The following PPARGC1B variants were observed in gnomAD, a reference collection of about 807,000 sequenced individuals.
PPARGC1B encodes the protein peroxisome proliferator-activated receptor gamma coactivator 1-beta.
PPARGC1B carries 34 observed loss-of-function variants against 101.6 expected under a neutral mutation model. That is an observed-to-expected ratio of 0.33 (90% CI 0.25 to 0.45). PPARGC1B has a LOEUF of 0.45. Ranked by LOEUF, PPARGC1B falls within the 20% of genes least tolerant of loss-of-function variation. The pLI, the probability that PPARGC1B is intolerant of heterozygous loss-of-function variation, is 1.00. For synonymous variants in PPARGC1B, 548 were observed against 539.3 expected, an observed-to-expected ratio of 1.02 and a Z score of -0.22; for missense variants, 1,234 against 1,317.6, an observed-to-expected ratio of 0.94 and a Z score of 0.98.
intron 2 of PPARGC1B, among the ~76,000 whole-genome samples, chr5:149,822,457 C>T (rs541221066): frequency 6.6e-5 from 10 of 152,300 alleles, no homozygotes; most frequent in Non-Finnish European, 1.3e-4. Context: ...CATTGCTCAC[C>T]GATGCACCCT....
intron 2 of PPARGC1B, among the ~76,000 whole-genome samples, chr5:149,825,561 C>G (rs889539697): frequency 6.6e-6 from 1 of 152,240 alleles, no homozygotes; most frequent in Non-Finnish European, 1.5e-5. Context: ...CCCTCAAGAG[C>G]CTGTAAGTCC....
At chr5:149,838,691 C>G (rs1239150307) in intron 8 of PPARGC1B, among the ~76,000 whole-genome samples, 2 of 152,202 alleles carry the variant, frequency 1.3e-5, no homozygotes, top group Non-Finnish European at 2.9e-5. Flanking sequence ...TAGAAACCCC[C>G]ATGGATTTTC....
intron 1 of PPARGC1B, among the ~76,000 whole-genome samples, chr5:149,814,576 A>G (rs1279527912): frequency 6.6e-6 from 1 of 151,680 alleles, no homozygotes; most frequent in Non-Finnish European, 1.5e-5. Flanking sequence ...CCTCCGCCCC[A>G]CCTCCTCCAG....
intron 1 of PPARGC1B, among the ~76,000 whole-genome samples, chr5:149,736,994 A>T (rs987195897): frequency 2.0e-5 from 3 of 152,174 alleles, no homozygotes; most frequent in Admixed American, 6.5e-5. Context: ...CAAATCTGTA[A>T]TGACAGGTAT....
chr5:149,836,166 G>A (rs1759063760), intron 7 of PPARGC1B, 97 bp from the exon 8 acceptor site: 3 of 1,044,810 alleles, frequency 2.9e-6, no homozygotes, highest in South Asian at 3.3e-5. Context: ...TGGGATTATA[G>A]GTGTGAGCTA....
At chr5:149,806,063 G>A (rs1286193751) in intron 1 of PPARGC1B, among the ~76,000 whole-genome samples, 1 of 152,190 alleles carries the variant, frequency 6.6e-6, no homozygotes, top group Non-Finnish European at 1.5e-5. Flanking sequence ...GGCTGGTGTG[G>A]AGTCCTGGCC....
intron 1 of PPARGC1B, among the ~76,000 whole-genome samples, chr5:149,742,103 CAT>C (rs1754931177): frequency 6.6e-6 from 1 of 152,210 alleles, no homozygotes; most frequent in African/African-American, 2.4e-5. Context: ...ACATCCTTCA[CAT>C]GTGTAATCAC....
At position 149,848,495 on chromosome 5, in the gene PPARGC1B, G is replaced by T. The variant is rs1400806179; in HGVS notation, c.*937G>T. On this transcript the variant is annotated 3_prime_UTR_variant, in exon 12 of 12. Coordinates refer to ENST00000309241, the MANE Select transcript of PPARGC1B (RefSeq NM_133263.4). The stretch of plus-strand genomic sequence containing the variant: ...GTGCTTCCGTAGTAGCTGGGGTAAA[G>T]ACACCGTTTCAGGGACTGGTAGAGG... The T allele has an allele frequency of 1.3e-5, 2 of 152,274 alleles. No individual in the cohort carries two copies. The highest frequency in any genetic ancestry group is 1.5e-5 in the Non-Finnish European group (1 of 68,070). 9.4% of individuals were successfully genotyped at this position (152,274 alleles called of 1,614,324 possible). A position where few individuals can be genotyped will look rare whatever the true frequency, so the allele number is the denominator to read the frequency against.
chr5:149,744,584 CA>C (rs1386616571), intron 1 of PPARGC1B, among the ~76,000 whole-genome samples: 9 of 152,078 alleles, frequency 5.9e-5, no homozygotes, highest in Non-Finnish European at 1.5e-5. Context: ...GTATTACCAT[CA>C]AAAATAGGAA....
intron 1 of PPARGC1B, among the ~76,000 whole-genome samples, chr5:149,780,080 C>A (rs544865276): frequency 1.1e-4 from 17 of 152,312 alleles, no homozygotes; most frequent in African/African-American, 3.8e-4. Flanking sequence ...GGAGAGAAAG[C>A]TGGGATGAAT....
Position 149,842,388 on chromosome 5 carries a change from C to G in PPARGC1B, c.2816+11C>G. 6.2e-7 allele frequency: 1 copy of G among 1,612,212 alleles called. No homozygotes were observed. On this transcript the variant is annotated intron_variant, in intron 10 of 11. Coordinates refer to ENST00000309241, the MANE Select transcript of PPARGC1B (RefSeq NM_133263.4). ...GACAAGAAATAGGAGGTGAGTTGAACCAAGCCATGGCAAATGAAGGGAGCA... is the reference window on the plus strand; with the variant it reads ...GACAAGAAATAGGAGGTGAGTTGAAGCAAGCCATGGCAAATGAAGGGAGCA...
At position 149,851,570 on chromosome 5, in the gene PPARGC1B, A is replaced by G. The variant is rs1759762055; in HGVS notation, c.*4012A>G. The G allele has an allele frequency of 6.6e-6, 1 of 152,258 alleles. No homozygotes were observed. The highest frequency in any genetic ancestry group is 6.5e-5 in the Admixed American group (1 of 15,282). The allele number at this position is 152,258 out of a possible 1,614,324, so 9.4% of individuals were successfully genotyped here. A position where few individuals can be genotyped will look rare whatever the true frequency, so the allele number is the denominator to read the frequency against. On this transcript the variant is annotated 3_prime_UTR_variant, in exon 12 of 12. Transcript: ENST00000309241. Reference sequence around the variant, plus strand: ...GATTAAGGAAAGAAATTGGATGTACAACAGCAAAGAAAGTGAATGTCATGG... The same window carrying G: ...GATTAAGGAAAGAAATTGGATGTACGACAGCAAAGAAAGTGAATGTCATGG...
At chr5:149,808,583 G>GC (rs925892934) in intron 1 of PPARGC1B, among the ~76,000 whole-genome samples, 2 of 152,084 alleles carry the variant, frequency 1.3e-5, no homozygotes, top group Non-Finnish European at 2.9e-5. Context: ...CAGCGTTTTT[G>GC]CCCCCCACAG....
intron 2 of PPARGC1B, among the ~76,000 whole-genome samples, chr5:149,821,357 A>G (rs32586): frequency 0.19 from 28,250 of 152,086 alleles, 3,130 homozygotes; most frequent in African/African-American, 0.3. Flanking sequence ...TTCCTGTAAG[A>G]AGGCCTCTTA....
intron 1 of PPARGC1B, among the ~76,000 whole-genome samples, chr5:149,781,970 A>G (rs1024449897): frequency 6.6e-6 from 1 of 152,186 alleles, no homozygotes; most frequent in African/African-American, 2.4e-5. Flanking sequence ...CAAGTGACTC[A>G]GTAAATGCAT....
intron 8 of PPARGC1B, among the ~76,000 whole-genome samples, chr5:149,839,699 A>G (rs1759253904): frequency 6.6e-6 from 1 of 152,206 alleles, no homozygotes; most frequent in South Asian, 2.1e-4. Flanking sequence ...TTAAAAAAAA[A>G]TCAGGTCAAA....
At chr5:149,831,979 A>G (rs181436756) in intron 4 of PPARGC1B, among the ~76,000 whole-genome samples, 1 of 152,192 alleles carries the variant, frequency 6.6e-6, no homozygotes, top group Non-Finnish European at 1.5e-5. Flanking sequence ...ACTTATACCC[A>G]TGCAATTGTG....
At chr5:149,806,330 C>T (rs1368300239) in intron 1 of PPARGC1B, among the ~76,000 whole-genome samples, 3 of 152,198 alleles carry the variant, frequency 2.0e-5, no homozygotes, top group Non-Finnish European at 4.4e-5. Flanking sequence ...CATCTTGCTG[C>T]CCTGTTGAGC....
chr5:149,770,152 T>C (rs371971979), intron 1 of PPARGC1B, among the ~76,000 whole-genome samples: 3 of 152,154 alleles, frequency 2.0e-5, no homozygotes, highest in African/African-American at 7.2e-5. Flanking sequence ...TATCCTTTTT[T>C]AATATTTATT....
Sources: gnomAD v4.1 joint callset for allele counts (sites outside exome capture counted in the v4.1 genomes callset) on GRCh38, gnomAD v4.1.1 for gene constraint, MANE v1.5 for transcripts, NCBI Gene and HGNC (gene_info 2026-07-23, HGNC 2026-07-21) for gene names.